NRDC: variants seen among roughly 807,000 people sequenced by gnomAD.
NRDC encodes the protein nardilysin.
Under a neutral mutation model 147.1 loss-of-function variants are expected in NRDC, and 54 were observed. The observed-to-expected ratio is 0.37, with a 90% CI of 0.29 to 0.46. The LOEUF is 0.46. Among genes scored for constraint, NRDC ranks in the 20% least tolerant of loss-of-function variants. The pLI, the probability that NRDC is intolerant of heterozygous loss-of-function variation, is 1.00. For missense variants in NRDC, 1,082 were observed against 1,370.6 expected, an observed-to-expected ratio of 0.79 and a Z score of 3.33; for synonymous variants, 440 against 482.1, an observed-to-expected ratio of 0.91 and a Z score of 1.14.
At chr1:51,802,673 G>A (rs2149193874) in intron 20 of NRDC, among the ~76,000 whole-genome samples, 1 of 152,252 alleles carries the variant, frequency 6.6e-6, no homozygotes, top group East Asian at 1.9e-4. Context: ...GTCTCCTTCT[G>A]AGACCAATCT....
intron 1 of NRDC, among the ~76,000 whole-genome samples, chr1:51,849,363 C>T (rs1183213633): frequency 2.6e-5 from 4 of 151,322 alleles, no homozygotes; most frequent in East Asian, 1.9e-4. Flanking sequence ...TGCAGTGAGC[C>T]GAGATCCCGC....
At chr1:51,877,014 C>T (rs909112138) in intron 1 of NRDC, among the ~76,000 whole-genome samples, 2 of 152,026 alleles carry the variant, frequency 1.3e-5, no homozygotes, top group African/African-American at 4.8e-5. Flanking sequence ...TGGTGAAACC[C>T]CGTCTCCACT....
chr1:51,805,497 G>A lies in NRDC; in HGVS notation c.2162+13C>T. 2 of 1,562,204 alleles carry A rather than the reference G, an allele frequency of 1.3e-6. No homozygotes were observed. The highest frequency in any genetic ancestry group is 1.7e-6 in the Non-Finnish European group (2 of 1,155,810). On this transcript the variant is annotated intron_variant, in intron 19 of 30. Transcript: ENST00000352171. Reference sequence around the variant, plus strand: ...AAAAAATGTATTTTCCAGAAAAAAAGACAATTGCTTACTTTGCTGCAGATT... The same window carrying A: ...AAAAAATGTATTTTCCAGAAAAAAAAACAATTGCTTACTTTGCTGCAGATT...
At chr1:51,849,141 C>T (rs1386333154) in intron 1 of NRDC, among the ~76,000 whole-genome samples, 1 of 152,204 alleles carries the variant, frequency 6.6e-6, no homozygotes, top group African/African-American at 2.4e-5. Context: ...AATCCTAGCA[C>T]TTTGGGAGGC....
intron 29 of NRDC, chr1:51,789,955 A>G: frequency 1.1e-5 from 4 of 379,058 alleles, no homozygotes; most frequent in South Asian, 3.4e-5. Context: ...TCCCAATTAC[A>G]TGGTAGCTGC....
At chr1:51,853,902 T>A (rs1682110052) in intron 1 of NRDC, among the ~76,000 whole-genome samples, 1 of 152,328 alleles carries the variant, frequency 6.6e-6, no homozygotes, top group Non-Finnish European at 1.5e-5. Context: ...AAAATCCATG[T>A]TTTCTGGATT....
intron 14 of NRDC, among the ~76,000 whole-genome samples, chr1:51,813,293 A>G (rs2149202587): frequency 6.6e-6 from 1 of 152,346 alleles, no homozygotes; most frequent in South Asian, 2.1e-4. Flanking sequence ...CCGAGCACCC[A>G]GATACACAGA....
At position 51,790,985 on chromosome 1, in the gene NRDC, T is replaced by G; in HGVS notation, c.2966A>C (p.Glu989Ala). 3.1e-6 allele frequency: 5 copies of G among 1,609,964 alleles called. No individual in the cohort carries two copies. The highest frequency in any genetic ancestry group is 4.2e-6 in the Non-Finnish European group (5 of 1,176,748). ...VGTQATKYNS[E>A]VVDKKIEEFL... Reference sequence around the variant, plus strand: ...CTCTTCTATCTTCTTATCAACAACTTCAGAACTGAAACAAAACATCTTCAA... The same window carrying G: ...CTCTTCTATCTTCTTATCAACAACTGCAGAACTGAAACAAAACATCTTCAA... Residue 989 changes from glutamate to alanine, a missense_variant, in exon 28 of 31, where the codon GAA becomes GCA. This residue lies in a region of NRDC where 187 missense variants were observed against 193.6 expected (regional missense o/e 0.97). Transcript: ENST00000352171.
chr1:51,848,624 C>CA (rs1343672778), intron 1 of NRDC, among the ~76,000 whole-genome samples: 7 of 152,034 alleles, frequency 4.6e-5, no homozygotes, highest in African/African-American at 1.7e-4. Context: ...GCAAAGTAGC[C>CA]AAAATCAAAG....
chr1:51,824,481 CTG>C (rs1286661772), intron 6 of NRDC, among the ~76,000 whole-genome samples: 1 of 152,124 alleles, frequency 6.6e-6, no homozygotes, highest in Non-Finnish European at 1.5e-5. Context: ...ATGTATATAA[CTG>C]TACAGAAATA....
rs538558309 is a variant in NRDC, at chr1:51,832,238, G to A, written c.866+1779C>T. ...ATTTTTGTGTTTTTAGTAGAGACAG[G>A]GTTTCACCGTGTTGGCCAGGCTGGT... On this transcript the variant is annotated intron_variant, in intron 4 of 30. Coordinates refer to ENST00000352171, the MANE Select transcript of NRDC (RefSeq NM_001101662.2). Among the ~76,000 whole-genome samples, 193 of 151,870 alleles carry A rather than the reference G, an allele frequency of 1.3e-3. 1 individual carries two copies. Among genetic ancestry groups the A allele is most frequent in the African/African-American group, 4.5e-3 (188 of 41,420 alleles).
intron 1 of NRDC, among the ~76,000 whole-genome samples, chr1:51,874,437 C>A (rs933887627): frequency 6.6e-6 from 1 of 151,842 alleles, no homozygotes; most frequent in African/African-American, 2.4e-5. Context: ...GGCAAAATGG[C>A]GAAATCTCAT....
At chr1:51,798,930 T>C (rs1679057352) in intron 21 of NRDC, 1 of 152,454 alleles carries the variant, frequency 6.6e-6, no homozygotes, top group African/African-American at 2.4e-5. Context: ...ATTCAATTTC[T>C]TCATTTGTAA....
intron 1 of NRDC, among the ~76,000 whole-genome samples, chr1:51,846,480 A>G (rs1681596618): frequency 6.6e-6 from 1 of 152,248 alleles, no homozygotes; most frequent in African/African-American, 2.4e-5. Flanking sequence ...TCTTGGTCTC[A>G]CTGACTTCAA....
rs148104073 is a variant in NRDC at position 51,794,541 on chromosome 1, G to A, written c.2706C>T (p.Gly902=). The change falls in exon 24 of 31, where the codon GGC becomes GGT. Residue 902 remains glycine (G), a synonymous_variant. Coordinates refer to ENST00000352171, the MANE Select transcript of NRDC (RefSeq NM_001101662.2). ...VQFQVVELPS[G]HHLCKVKALN... ...GAGCTTTCACTTTGCATAGATGGTGGCCACTGGGCAGCTCTACCACCTGGA... is the reference window on the plus strand; with the variant it reads ...GAGCTTTCACTTTGCATAGATGGTGACCACTGGGCAGCTCTACCACCTGGA... 6.2e-7 allele frequency: 1 copy of A among 1,614,110 alleles called. No homozygotes were observed. Among genetic ancestry groups the A allele is most frequent in the Non-Finnish European group, 8.5e-7 (1 of 1,179,986 alleles).
chr1:51,865,256 G>A (rs1385037593), intron 1 of NRDC, among the ~76,000 whole-genome samples: 1 of 151,042 alleles, frequency 6.6e-6, no homozygotes, highest in African/African-American at 2.4e-5. Context: ...ATGAAATAAT[G>A]TCTGATCTTA....
intron 1 of NRDC, chr1:51,860,000 G>C (rs1311771313): frequency 4.9e-6 from 1 of 205,340 alleles, no homozygotes; most frequent in Non-Finnish European, 1.1e-5. Flanking sequence ...GGGGGATCTT[G>C]AAAGCATCTT....
chr1:51,791,713 G>C lies in NRDC; in HGVS notation c.2877-52C>G, dbSNP rs1487780089. ...GAGCTCAGGTGATCATCTGGGCCCTGGCCTTGGAGGCACTAGATAGGAGTG... is the reference window on the plus strand; with the variant it reads ...GAGCTCAGGTGATCATCTGGGCCCTCGCCTTGGAGGCACTAGATAGGAGTG... On this transcript the variant is annotated intron_variant, in intron 26 of 30. Coordinates refer to ENST00000352171, the MANE Select transcript of NRDC (RefSeq NM_001101662.2). 3.5e-6 allele frequency: 5 copies of C among 1,409,030 alleles called. No individual in the cohort carries two copies. In the South Asian group the frequency reaches 5.8e-5, roughly 16 times the overall value. The allele number at this position is 1,409,030 out of a possible 1,614,324, so 87.3% of individuals were successfully genotyped here.
At position 51,803,946 on chromosome 1, in the gene NRDC, G is replaced by C; in HGVS notation, c.2181C>G (p.Ile727Met). Residue 727 changes from isoleucine (I) to methionine (M), a missense_variant, in exon 20 of 31, where the codon ATC becomes ATG. By Grantham distance (10) the Ile-to-Met change is conservative (BLOSUM62 1). Transcript: ENST00000352171. Reference sequence around the variant, plus strand: ...GGTTATGCGTAAGGATATTGACAAAGATATCAAAGAGGACCACACTAAGAA... The same window carrying C: ...GGTTATGCGTAAGGATATTGACAAACATATCAAAGAGGACCACACTAAGAA... ...KSAANVVLFDIFVNILTHNLA... is the reference protein window; with the variant it reads ...KSAANVVLFDMFVNILTHNLA... The C allele has an allele frequency of 6.2e-7, 1 of 1,604,980 alleles. No homozygotes were observed.
Sources: gnomAD v4.1 joint callset for allele counts (sites outside exome capture counted in the v4.1 genomes callset) on GRCh38, gnomAD v4.1.1 for gene constraint, gnomAD v4.1.1 regional missense constraint, MANE v1.5 for transcripts, NCBI Gene and HGNC (gene_info 2026-07-23, HGNC 2026-07-21) for gene names.